The following HUWE1 variants were observed in gnomAD, a reference collection of about 807,000 sequenced individuals.
The protein encoded by HUWE1 is HECT, UBA and WWE domain containing E3 ubiquitin protein ligase 1.
In HUWE1, 18 loss-of-function variants were observed where a neutral mutation model predicts 299.4. The ratio of observed to expected loss-of-function variants is 0.06; its 90% CI spans 0.04 to 0.09. The LOEUF (loss-of-function observed/expected upper bound fraction) is 0.09, where lower values mean the gene tolerates loss of function less well. HUWE1 is among the 10% of genes least tolerant of loss of function. HUWE1 has a pLI of 1.00. For missense variants in HUWE1, 1,832 were observed against 3,462.3 expected (o/e 0.53, Z 11.82); for synonymous variants, 1,317 against 1,286.1 (o/e 1.02, Z -0.51).
chrX:53,533,990 C>G lies in HUWE1; in HGVS notation c.13022+17G>C. The G allele has an allele frequency of 2.5e-6, 3 of 1,200,236 alleles. No individual in the cohort carries two copies. The highest frequency in any genetic ancestry group is 2.3e-4 in the Middle Eastern group (1 of 4,317). The stretch of plus-strand genomic sequence containing the variant: ...CAACCTAAGCACTGAAAAGGAGAAA[C>G]AAACCCTTCCTTTTACCATGTGTGA... On this transcript the variant is annotated intron_variant, in intron 83 of 83. Transcript: ENST00000262854.
intron 3 of HUWE1, among the ~76,000 whole-genome samples, chrX:53,676,337 A>G (rs1348453498): frequency 2.7e-5 from 3 of 111,519 alleles, no homozygotes; most frequent in African/African-American, 9.8e-5. Flanking sequence ...TGACAGACCT[A>G]GTAAGTGGCC....
intron 4 of HUWE1, 111 bp from the exon 5 acceptor site, chrX:53,648,421 A>G (rs2068211276): frequency 8.1e-6 from 4 of 496,592 alleles, no homozygotes. Context: ...TTTTGCTAGG[A>G]TTTACTACTT....
chrX:53,560,292 C>T lies in HUWE1; in HGVS notation c.7632G>A (p.Gly2544=). ...SSTTRLTQGI[G]RSQRTLRQLT... is the part of the protein sequence containing the mutation. ...GCTGCCTTAGGGTCCTCTGACTGCGCCCGATGCCCTGGGTGAGACGAGTTG... is the reference window on the plus strand; with the variant it reads ...GCTGCCTTAGGGTCCTCTGACTGCGTCCGATGCCCTGGGTGAGACGAGTTG... Residue 2544 remains glycine (G), a synonymous_variant, in exon 56 of 84, where the codon GGG becomes GGA. Transcript: ENST00000262854. The T allele has an allele frequency of 8.3e-7, 1 of 1,211,403 alleles. No individual in the cohort carries two copies. Among genetic ancestry groups the T allele is most frequent in the Non-Finnish European group, 1.1e-6 (1 of 895,402 alleles).
At chrX:53,666,934 T>C (rs1990287727) in intron 3 of HUWE1, among the ~76,000 whole-genome samples, 1 of 112,076 alleles carries the variant, frequency 8.9e-6, no homozygotes, top group Non-Finnish European at 1.9e-5. Context: ...CACATTAAAC[T>C]CTTGGTGAAC....
intron 3 of HUWE1, among the ~76,000 whole-genome samples, chrX:53,660,976 A>T (rs1408281305): frequency 9.0e-6 from 1 of 110,842 alleles, no homozygotes; most frequent in Non-Finnish European, 1.9e-5. Context: ...AAATGTTAGC[A>T]CCAAGATCTA....
At chrX:53,673,045 GA>G (rs1344352478) in intron 3 of HUWE1, among the ~76,000 whole-genome samples, 2 of 111,737 alleles carry the variant, frequency 1.8e-5, no homozygotes. Context: ...ATGAGCAAAC[GA>G]AAAAAAGTTC....
intron 3 of HUWE1, among the ~76,000 whole-genome samples, chrX:53,659,774 A>G: frequency 8.9e-6 from 1 of 111,846 alleles, no homozygotes; most frequent in Non-Finnish European, 1.9e-5. Flanking sequence ...AAGGGAGGCT[A>G]TGCCTGTGTG....
chrX:53,604,254 A>G (rs1236021691), intron 26 of HUWE1, among the ~76,000 whole-genome samples: 2 of 112,067 alleles, frequency 1.8e-5, no homozygotes, highest in Non-Finnish European at 3.8e-5. Context: ...ATTGATTTAA[A>G]TGTTCTTTGG....
At chrX:53,667,224 T>C (rs2069291687) in intron 3 of HUWE1, among the ~76,000 whole-genome samples, 1 of 112,559 alleles carries the variant, frequency 8.9e-6, no homozygotes, top group Non-Finnish European at 1.9e-5. Flanking sequence ...ATTTGCATAA[T>C]ACAGAGTATA....
chrX:53,656,403 G>A (rs2068746312), intron 3 of HUWE1, among the ~76,000 whole-genome samples: 1 of 106,414 alleles, frequency 9.4e-6, no homozygotes, highest in Non-Finnish European at 1.9e-5. Flanking sequence ...TTAGCCAGGC[G>A]TGGTGGCGAG....
intron 58 of HUWE1, 50 bp downstream of exon 58, chrX:53,558,919 GCC>G (rs2062156131): frequency 8.6e-7 from 1 of 1,168,375 alleles, no homozygotes; most frequent in African/African-American, 1.8e-5. Flanking sequence ...CCACACGTTT[GCC>G]CTAGCTCTGG....
chrX:53,566,200 T>C (rs2062559738), intron 49 of HUWE1, among the ~76,000 whole-genome samples: 1 of 97,549 alleles, frequency 1.0e-5, no homozygotes, highest in Non-Finnish European at 2.0e-5. Flanking sequence ...GTCTCTGATA[T>C]CACATCACAC....
At position 53,625,209 on chromosome X, in the gene HUWE1, A is replaced by G; in HGVS notation, c.1539T>C (p.Asn513=). 1 of 1,207,053 alleles carries G rather than the reference A, an allele frequency of 8.3e-7. No individual in the cohort carries two copies. Among genetic ancestry groups the G allele is most frequent in the Non-Finnish European group, 1.1e-6 (1 of 891,038 alleles). The change falls in exon 18 of 84, where the codon AAT becomes AAC. Residue 513 remains asparagine, a synonymous_variant. Transcript: ENST00000262854. ...GGTCTTGGATGGCCTTCTTGAGGAAATTCAACATGGATTTCAGAAGTGCTG... is the reference window on the plus strand; with the variant it reads ...GGTCTTGGATGGCCTTCTTGAGGAAGTTCAACATGGATTTCAGAAGTGCTG... ...QRAALLKSML[N]FLKKAIQDPA...
At chrX:53,552,210 C>T in intron 63 of HUWE1, 101 bp downstream of exon 63, 2 of 984,139 alleles carry the variant, frequency 2.0e-6, no homozygotes, top group Non-Finnish European at 2.9e-6. Context: ...CATACATGCC[C>T]TCCATCTAAA....
intron 38 of HUWE1, 39 bp downstream of exon 38, chrX:53,586,742 GA>G (rs782160597): frequency 8.3e-7 from 1 of 1,204,792 alleles, no homozygotes; most frequent in Non-Finnish European, 1.1e-6. Context: ...ATGTCCCAGG[GA>G]AATAGAAACG....
chrX:53,600,266 G>A lies in HUWE1; in HGVS notation c.3015C>T (p.Thr1005=). The A allele has an allele frequency of 8.3e-7, 1 of 1,210,116 alleles. No homozygotes were observed. The highest frequency in any genetic ancestry group is 1.1e-6 in the Non-Finnish European group (1 of 894,371). Reference sequence around the variant, plus strand: ...GCCCAATGCCTTCTAATAAGCCCTGGGTAGAAGCATCCATACTTCCAGCTG... The same window carrying A: ...GCCCAATGCCTTCTAATAAGCCCTGAGTAGAAGCATCCATACTTCCAGCTG... ...DGAAGSMDAS[T]QGLLEGIGLD... Residue 1005 remains threonine (T), a synonymous_variant, in exon 29 of 84, where the codon ACC becomes ACT. Transcript: ENST00000262854.
At chrX:53,553,181 T>A (rs782742266) in intron 61 of HUWE1, among the ~76,000 whole-genome samples, 161 of 110,386 alleles carry the variant, frequency 1.5e-3, no homozygotes, top group Middle Eastern at 9.3e-3. Flanking sequence ...TCTCACTCTG[T>A]TGCCCAGGCT....
At chrX:53,608,098 C>T (rs1253284001) in intron 24 of HUWE1, among the ~76,000 whole-genome samples, 1 of 111,778 alleles carries the variant, frequency 8.9e-6, no homozygotes, top group African/African-American at 3.3e-5. Flanking sequence ...GCAAATGAAA[C>T]GCATAATGCA....
intron 36 of HUWE1, among the ~76,000 whole-genome samples, chrX:53,589,259 A>C (rs918335622): frequency 1.7e-4 from 19 of 112,184 alleles, no homozygotes; most frequent in African/African-American, 4.5e-4. Flanking sequence ...AAAAACATTT[A>C]TTCAGTATTA....
Sources: gnomAD v4.1 joint callset for allele counts (sites outside exome capture counted in the v4.1 genomes callset) on GRCh38, gnomAD v4.1.1 for gene constraint, MANE v1.5 for transcripts, NCBI Gene and HGNC (gene_info 2026-07-23, HGNC 2026-07-21) for gene names.